Variants in PTPRD observed in about 807,000 individuals in gnomAD.
PTPRD encodes receptor-type tyrosine-protein phosphatase delta.
A neutral mutation model predicts 214.5 loss-of-function variants in PTPRD; 34 were observed. The ratio of observed to expected loss-of-function variants is 0.16; its 90% CI spans 0.12 to 0.21. The LOEUF (loss-of-function observed/expected upper bound fraction) is 0.21. PTPRD is among the 10% of genes least tolerant of loss of function. PTPRD has a pLI of 1.00. For missense variants in PTPRD, 2,545 were observed against 2,398.7 expected, an observed-to-expected ratio of 1.06 and a Z score of -1.27; for synonymous variants, 1,128 against 845.7, an observed-to-expected ratio of 1.33 and a Z score of -5.79.
intron 9 of PTPRD, among the ~76,000 whole-genome samples, chr9:9,264,319 A>G (rs1397479017): frequency 1.3e-5 from 2 of 151,660 alleles, no homozygotes; most frequent in South Asian, 2.1e-4. Context: ...GAAGTTTAAT[A>G]AAGAAAGAGA....
intron 39 of PTPRD, among the ~76,000 whole-genome samples, chr9:8,357,083 C>T (rs533422984): frequency 7.9e-5 from 12 of 152,236 alleles, no homozygotes; most frequent in East Asian, 3.9e-4. Context: ...ATAAGCTATA[C>T]GCTACAAAGA....
intron 9 of PTPRD, among the ~76,000 whole-genome samples, chr9:9,335,640 A>G (rs1432170841): frequency 6.6e-6 from 1 of 152,116 alleles, no homozygotes; most frequent in African/African-American, 2.4e-5. Context: ...TTTTGACCAA[A>G]TGTTACACAC....
chr9:9,727,839 T>A (rs1274577249), intron 7 of PTPRD, among the ~76,000 whole-genome samples: 10 of 152,174 alleles, frequency 6.6e-5, no homozygotes, highest in Non-Finnish European at 1.3e-4. Flanking sequence ...TCAAGTTGGG[T>A]TGAACTCCAC....
At chr9:8,466,673 G>C (rs2096550209) in intron 31 of PTPRD, among the ~76,000 whole-genome samples, 1 of 151,658 alleles carries the variant, frequency 6.6e-6, no homozygotes, top group Non-Finnish European at 1.5e-5. Context: ...CATTTTCTTG[G>C]GAAGAATTTT....
At chr9:9,861,833 TG>T (rs1370058236) in intron 5 of PTPRD, among the ~76,000 whole-genome samples, 1 of 152,204 alleles carries the variant, frequency 6.6e-6, no homozygotes, top group Non-Finnish European at 1.5e-5. Flanking sequence ...ATTACATCTA[TG>T]TTTATATGTA....
At chr9:8,669,033 GGA>G (rs1565143340) in intron 12 of PTPRD, among the ~76,000 whole-genome samples, 1 of 152,038 alleles carries the variant, frequency 6.6e-6, no homozygotes, top group Non-Finnish European at 1.5e-5. Context: ...GGAGTTCAGC[GGA>G]GAGAGAGAAG....
chr9:8,715,551 A>C (rs2098422705), intron 12 of PTPRD, among the ~76,000 whole-genome samples: 1 of 152,222 alleles, frequency 6.6e-6, no homozygotes, highest in Admixed American at 6.5e-5. Flanking sequence ...ACAGGATTTG[A>C]ACTCAGATCA....
rs2098981346 is a variant in PTPRD, at chr9:8,934,494, A to AAAT, written c.-104+84202_-104+84203insATT. On this transcript the variant is annotated intron_variant, in intron 11 of 45. Transcript: ENST00000381196. ...ATATATATAAATATATATATATATA[A>AAAT]ATATATATATAAATATATATATATA... Among the ~76,000 whole-genome samples the AAAT allele has an allele frequency of 6.7e-4, 5 of 7,434 alleles. 1 individual carries two copies. Among genetic ancestry groups the AAAT allele is most frequent in the African/African-American group, 1.2e-3 (3 of 2,484 alleles). The allele number at this position is 7,434 out of a possible 152,430, so 4.9% of individuals were successfully genotyped here.
At chr9:9,963,322 C>T (rs992885682) in intron 4 of PTPRD, among the ~76,000 whole-genome samples, 1 of 152,106 alleles carries the variant, frequency 6.6e-6, no homozygotes, top group Non-Finnish European at 1.5e-5. Context: ...GTCTATTTGG[C>T]ACTCAATAGA....
intron 3 of PTPRD, among the ~76,000 whole-genome samples, chr9:10,272,158 T>A (rs1033382370): frequency 6.6e-6 from 1 of 152,176 alleles, no homozygotes; most frequent in Non-Finnish European, 1.5e-5. Context: ...TCTCTCTATA[T>A]CTACTGGCCT....
intron 18 of PTPRD, 100 bp downstream of exon 18, chr9:8,524,825 C>T (rs745825221): frequency 2.0e-6 from 2 of 977,606 alleles, no homozygotes; most frequent in East Asian, 4.8e-5. Flanking sequence ...TATTACCAAA[C>T]CAGCTTGTTA....
intron 12 of PTPRD, among the ~76,000 whole-genome samples, chr9:8,658,240 T>C (rs527593282): frequency 1.3e-5 from 2 of 152,222 alleles, no homozygotes; most frequent in African/African-American, 2.4e-5. Flanking sequence ...ACTGATGTTT[T>C]CTTAAGCCTA....
chr9:10,475,427 C>G (rs1414726696), intron 2 of PTPRD, among the ~76,000 whole-genome samples: 2 of 151,860 alleles, frequency 1.3e-5, no homozygotes, highest in Non-Finnish European at 2.9e-5. Context: ...CCTCCCAAGA[C>G]TAAACAAAGA....
intron 12 of PTPRD, among the ~76,000 whole-genome samples, chr9:8,637,440 A>G (rs1387761916): frequency 6.6e-6 from 1 of 152,220 alleles, no homozygotes; most frequent in Non-Finnish European, 1.5e-5. Flanking sequence ...CACAATTTGC[A>G]TAAAAGAAGA....
At chr9:8,946,844 A>G (rs1298067090) in intron 11 of PTPRD, among the ~76,000 whole-genome samples, 1 of 150,794 alleles carries the variant, frequency 6.6e-6, no homozygotes, top group Admixed American at 6.6e-5. Context: ...TATTTTCATA[A>G]TTTTCTCTTT....
At chr9:8,919,391 CAAA>C (rs5896280) in intron 11 of PTPRD, among the ~76,000 whole-genome samples, 1 of 133,984 alleles carries the variant, frequency 7.5e-6, no homozygotes. Flanking sequence ...GACCCTGTCT[CAAA>C]AAAAAAAAAA....
At chr9:9,432,856 C>A (rs2083740156) in intron 8 of PTPRD, among the ~76,000 whole-genome samples, 1 of 152,110 alleles carries the variant, frequency 6.6e-6, no homozygotes, top group Non-Finnish European at 1.5e-5. Context: ...ACAGCCAACA[C>A]TGAGGAGAAA....
chr9:9,919,545 T>C (rs1001780105), intron 5 of PTPRD, among the ~76,000 whole-genome samples: 2 of 152,170 alleles, frequency 1.3e-5, no homozygotes, highest in Admixed American at 6.5e-5. Context: ...GCTTGCATTG[T>C]CTAAAGGCCC....
intron 8 of PTPRD, among the ~76,000 whole-genome samples, chr9:9,561,220 C>T (rs963342663): frequency 1.3e-5 from 2 of 152,154 alleles, no homozygotes; most frequent in African/African-American, 4.8e-5. Context: ...AAACATCATA[C>T]CTTGGCCTAC....
Sources: allele counts gnomAD v4.1 joint callset (sites outside exome capture counted in the v4.1 genomes callset), GRCh38; gene constraint gnomAD v4.1.1; transcripts MANE v1.5; gene names NCBI Gene and HGNC (gene_info 2026-07-23, HGNC 2026-07-21).